The following DENND1A variants were observed in gnomAD, a reference collection of about 807,000 sequenced individuals.
The protein encoded by DENND1A is DENN domain-containing protein 1A.
DENND1A carries 51 observed loss-of-function variants against 113.7 expected under a neutral mutation model. The ratio of observed to expected loss-of-function variants is 0.45; its 90% CI spans 0.36 to 0.57. The LOEUF is 0.57. Ranked by LOEUF, DENND1A falls within the 20% of genes least tolerant of loss-of-function variation. DENND1A has a pLI of 0.00. For synonymous variants in DENND1A, 565 were observed against 570.8 expected, an observed-to-expected ratio of 0.99 and a Z score of 0.14; for missense variants, 1,258 against 1,395.9, an observed-to-expected ratio of 0.90 and a Z score of 1.57.
intron 4 of DENND1A, chr9:123,759,348 T>C (rs1456207873): frequency 6.6e-6 from 1 of 152,396 alleles, no homozygotes; most frequent in African/African-American, 2.4e-5. Flanking sequence ...TAGGAGTTGA[T>C]GACTTTGTCA....
chr9:123,846,033 G>A (rs140836120), intron 2 of DENND1A, among the ~76,000 whole-genome samples: 301 of 152,176 alleles, frequency 2.0e-3, no homozygotes, highest in African/African-American at 6.8e-3. Context: ...TTTTTTAAAC[G>A]ACCCAGTCAC....
intron 13 of DENND1A, among the ~76,000 whole-genome samples, chr9:123,478,722 G>C (rs1321364499): frequency 6.6e-6 from 1 of 152,226 alleles, no homozygotes; most frequent in Non-Finnish European, 1.5e-5. Context: ...GTACAACCTA[G>C]ATGGTAGGTA....
At chr9:123,672,323 G>A (rs1460611502) in intron 6 of DENND1A, among the ~76,000 whole-genome samples, 1 of 152,168 alleles carries the variant, frequency 6.6e-6, no homozygotes, top group Non-Finnish European at 1.5e-5. Flanking sequence ...AGAGAGGAGA[G>A]AGATGAACTT....
intron 2 of DENND1A, among the ~76,000 whole-genome samples, chr9:123,858,535 T>A (rs550102419): frequency 2.0e-5 from 3 of 152,050 alleles, no homozygotes; most frequent in South Asian, 2.1e-4. Context: ...GAAGGAACAG[T>A]TTAGGATTAG....
At chr9:123,622,310 T>G (rs147741251) in intron 10 of DENND1A, among the ~76,000 whole-genome samples, 1 of 152,166 alleles carries the variant, frequency 6.6e-6, no homozygotes, top group Non-Finnish European at 1.5e-5. Context: ...ACAATTCAAG[T>G]TGAGAATTGA....
chr9:123,585,345 T>C (rs1034991227), intron 11 of DENND1A, among the ~76,000 whole-genome samples: 2 of 152,242 alleles, frequency 1.3e-5, no homozygotes, highest in Non-Finnish European at 2.9e-5. Flanking sequence ...GCCTTATTTA[T>C]AGGGTAAAAA....
intron 5 of DENND1A, among the ~76,000 whole-genome samples, chr9:123,717,193 G>A (rs981098786): frequency 2.0e-5 from 3 of 152,144 alleles, no homozygotes; most frequent in Admixed American, 6.5e-5. Flanking sequence ...CTCTCTGGGC[G>A]TCATTAGTAA....
chr9:123,501,570 C>T (rs1379927700), intron 13 of DENND1A, among the ~76,000 whole-genome samples: 1 of 152,256 alleles, frequency 6.6e-6, no homozygotes, highest in East Asian at 1.9e-4. Flanking sequence ...TACAATTTTA[C>T]ATTCCCATCA....
At chr9:123,885,624 A>G (rs1848951963) in intron 1 of DENND1A, among the ~76,000 whole-genome samples, 1 of 152,244 alleles carries the variant, frequency 6.6e-6, no homozygotes, top group Non-Finnish European at 1.5e-5. Context: ...AAATACAAAC[A>G]GCTAAAACGT....
intron 1 of DENND1A, among the ~76,000 whole-genome samples, chr9:123,901,213 AG>A (rs776964430): frequency 2.6e-4 from 40 of 152,218 alleles, no homozygotes; most frequent in Non-Finnish European, 4.8e-4. Flanking sequence ...TCAAAGTGGT[AG>A]AAAGAGCCCA....
intron 5 of DENND1A, among the ~76,000 whole-genome samples, chr9:123,737,200 T>C (rs1224890544): frequency 1.3e-5 from 2 of 152,158 alleles, no homozygotes; most frequent in South Asian, 2.1e-4. Flanking sequence ...TTGTTGTTGT[T>C]GTACTTGTTT....
intron 19 of DENND1A, among the ~76,000 whole-genome samples, chr9:123,434,555 TCAGTGCCAGGCCCTG>T (rs1367829061): frequency 3.9e-5 from 6 of 152,182 alleles, no homozygotes; most frequent in Non-Finnish European, 7.3e-5. Flanking sequence ...GACTGCCAGC[TCAGTGCCAGGCCCTG>T]CAGTGGACTT....
chr9:123,614,832 C>T (rs982156167), intron 10 of DENND1A, among the ~76,000 whole-genome samples: 1 of 152,212 alleles, frequency 6.6e-6, no homozygotes, highest in African/African-American at 2.4e-5. Context: ...ATACCCTGAT[C>T]AGGCAAAGGG....
At chr9:123,609,786 C>G (rs990349320) in intron 10 of DENND1A, among the ~76,000 whole-genome samples, 2 of 152,126 alleles carry the variant, frequency 1.3e-5, no homozygotes, top group African/African-American at 4.8e-5. Context: ...AAAATGGAAT[C>G]CTGGATTCCA....
intron 11 of DENND1A, among the ~76,000 whole-genome samples, chr9:123,588,302 AAAAT>A: frequency 6.7e-6 from 1 of 148,644 alleles, no homozygotes; most frequent in South Asian, 2.1e-4. Flanking sequence ...AAAAAAAAAA[AAAAT>A]TATAGATGCC....
chr9:123,628,708 C>T (rs2061346376), intron 10 of DENND1A, among the ~76,000 whole-genome samples: 1 of 152,144 alleles, frequency 6.6e-6, no homozygotes, highest in Non-Finnish European at 1.5e-5. Context: ...CTGGACGTCA[C>T]CATTAACTGA....
At chr9:123,520,277 T>C (rs1275182368) in intron 13 of DENND1A, among the ~76,000 whole-genome samples, 1 of 149,748 alleles carries the variant, frequency 6.7e-6, no homozygotes, top group African/African-American at 2.5e-5. Context: ...GCCAACATGG[T>C]GAAACCCTGT....
At chr9:123,444,608 T>G (rs2047165613) in intron 18 of DENND1A, among the ~76,000 whole-genome samples, 1 of 152,056 alleles carries the variant, frequency 6.6e-6, no homozygotes, top group African/African-American at 2.4e-5. Context: ...GAGCCGAGAC[T>G]GCGCCAGGCA....
intron 13 of DENND1A, among the ~76,000 whole-genome samples, chr9:123,510,359 A>G (rs1384580261): frequency 2.0e-5 from 3 of 152,260 alleles, no homozygotes; most frequent in African/African-American, 7.2e-5. Context: ...GAAATACACA[A>G]TAGAATGATC....
Sources: allele counts gnomAD v4.1 joint callset (sites outside exome capture counted in the v4.1 genomes callset), GRCh38; gene constraint gnomAD v4.1.1; transcripts MANE v1.5; gene names NCBI Gene and HGNC (gene_info 2026-07-23, HGNC 2026-07-21).